The following TENM3 variants were observed in gnomAD, a reference collection of about 807,000 sequenced individuals.
The protein encoded by TENM3 is teneurin transmembrane protein 3, also known as teneurin-3.
TENM3 carries 63 observed loss-of-function variants against 255.1 expected under a neutral mutation model. That is an observed-to-expected ratio of 0.25 (90% confidence interval 0.20 to 0.30). TENM3 has a LOEUF of 0.30. TENM3 is among the 10% of genes least tolerant of loss of function. The probability of loss-of-function intolerance (pLI) is 1.00; values close to 1 mark genes in which losing one functional copy is unlikely to be tolerated. For missense variants in TENM3, 2,929 were observed against 3,461.1 expected (o/e 0.85, Z 3.86); for synonymous variants, 1,306 against 1,322.3 (o/e 0.99, Z 0.27).
chr4:181,547,540 A>C, the TENM3 span, among the ~76,000 whole-genome samples: 1 of 152,162 alleles, frequency 6.6e-6, no homozygotes, highest in South Asian at 2.1e-4. Flanking sequence ...CAAGAATTAA[A>C]AAGCATTCAC....
chr4:182,421,665 C>T (rs1770840752), intron 3 of TENM3, among the ~76,000 whole-genome samples: 1 of 152,006 alleles, frequency 6.6e-6, no homozygotes, highest in Non-Finnish European at 1.5e-5. Flanking sequence ...TCTGCTCTCA[C>T]ATTTATATGG....
the TENM3 span, among the ~76,000 whole-genome samples, chr4:181,576,208 C>G: frequency 3.9e-5 from 6 of 152,160 alleles, no homozygotes; most frequent in East Asian, 1.2e-3. Flanking sequence ...TGCAGTCTGT[C>G]TATTTCTGAG....
At chr4:181,853,180 T>C in the TENM3 span, among the ~76,000 whole-genome samples, 1 of 152,234 alleles carries the variant, frequency 6.6e-6, no homozygotes, top group Non-Finnish European at 1.5e-5. Context: ...TATTGATTAT[T>C]TGATCTCTAA....
At chr4:181,955,082 T>C in the TENM3 span, among the ~76,000 whole-genome samples, 1 of 152,210 alleles carries the variant, frequency 6.6e-6, no homozygotes, top group Non-Finnish European at 1.5e-5. Context: ...AAATATTACA[T>C]AAGACTTTTT....
the TENM3 span, among the ~76,000 whole-genome samples, chr4:181,599,235 C>T: frequency 6.6e-6 from 1 of 152,176 alleles, no homozygotes; most frequent in Non-Finnish European, 1.5e-5. Flanking sequence ...CAAGGCACCC[C>T]AATTGAATAA....
At chr4:182,230,167 T>C (rs1579815288) in intron 1 of TENM3, among the ~76,000 whole-genome samples, 1 of 145,930 alleles carries the variant, frequency 6.9e-6, no homozygotes, top group Non-Finnish European at 1.5e-5. Context: ...GAGACTGAGG[T>C]GAAGAACACA....
At chr4:181,817,113 G>C in the TENM3 span, among the ~76,000 whole-genome samples, 3 of 152,150 alleles carry the variant, frequency 2.0e-5, no homozygotes, top group Non-Finnish European at 2.9e-5. Flanking sequence ...AGTACACAGG[G>C]CTGTGGCTGC....
the TENM3 span, among the ~76,000 whole-genome samples, chr4:181,850,949 C>T: frequency 6.6e-6 from 1 of 152,120 alleles, no homozygotes; most frequent in Non-Finnish European, 1.5e-5. Context: ...GAGGTGAAGC[C>T]GTTTCATCTC....
chr4:181,871,192 T>C, the TENM3 span, among the ~76,000 whole-genome samples: 1 of 143,268 alleles, frequency 7.0e-6, no homozygotes, highest in South Asian at 2.4e-4. Context: ...TCCCCCAATT[T>C]TATTCTTCTT....
At chr4:181,471,369 T>A in the TENM3 span, among the ~76,000 whole-genome samples, 1 of 152,218 alleles carries the variant, frequency 6.6e-6, no homozygotes. Context: ...TGTTTTAAAT[T>A]TTTTAATTAT....
intron 12 of TENM3, among the ~76,000 whole-genome samples, chr4:182,701,007 C>G (rs1223767132): frequency 1.3e-5 from 2 of 151,940 alleles, no homozygotes; most frequent in Admixed American, 6.6e-5. Flanking sequence ...GTGCACGAGA[C>G]AGGTTACAGC....
At chr4:182,286,304 T>A (rs1213747834) in intron 1 of TENM3, among the ~76,000 whole-genome samples, 1 of 152,174 alleles carries the variant, frequency 6.6e-6, no homozygotes, top group Non-Finnish European at 1.5e-5. Context: ...CATTCTACAA[T>A]TTTCTTTTCC....
chr4:181,498,285 C>G, the TENM3 span, among the ~76,000 whole-genome samples: 1 of 151,998 alleles, frequency 6.6e-6, no homozygotes, highest in Non-Finnish European at 1.5e-5. Context: ...CAATAATAGT[C>G]AAGTGTGTGA....
At chr4:182,245,974 C>A (rs140988124) in intron 1 of TENM3, among the ~76,000 whole-genome samples, 1 of 152,174 alleles carries the variant, frequency 6.6e-6, no homozygotes, top group Non-Finnish European at 1.5e-5. Context: ...GCTGGATCCT[C>A]ACTCTGTGGT....
intron 1 of TENM3, among the ~76,000 whole-genome samples, chr4:182,161,875 A>ATTTG (rs1751336386): frequency 1.2e-4 from 1 of 8,346 alleles, no homozygotes; most frequent in Admixed American, 3.1e-3. Context: ...ATATATGTGT[A>ATTTG]TATATATACA....
intron 4 of TENM3, among the ~76,000 whole-genome samples, chr4:182,623,655 G>T (rs1480324274): frequency 2.6e-5 from 4 of 152,022 alleles, no homozygotes; most frequent in African/African-American, 9.7e-5. Context: ...CTCATTCCTA[G>T]AATCTTCTCT....
intron 1 of TENM3, among the ~76,000 whole-genome samples, chr4:182,172,784 C>A (rs751471655): frequency 2.0e-5 from 3 of 151,910 alleles, no homozygotes; most frequent in Non-Finnish European, 2.9e-5. Flanking sequence ...ATGTTTCTGC[C>A]ACCCAGAAAC....
At chr4:181,522,912 G>T in the TENM3 span, 1 of 911,150 alleles carries the variant, frequency 1.1e-6, no homozygotes, top group Admixed American at 1.8e-5. Context: ...TGGAATTGTT[G>T]TGCTGGTTAT....
the TENM3 span, among the ~76,000 whole-genome samples, chr4:181,802,198 A>C: frequency 1.3e-5 from 2 of 152,340 alleles, no homozygotes. Context: ...ATTGAGAAGA[A>C]TAGCAGCTAT....
Sources: allele counts gnomAD v4.1 joint callset (sites outside exome capture counted in the v4.1 genomes callset), GRCh38; gene constraint gnomAD v4.1.1; transcripts MANE v1.5; gene names NCBI Gene and HGNC (gene_info 2026-07-23, HGNC 2026-07-21).